SCFD2: variants seen among roughly 807,000 people sequenced by gnomAD.
SCFD2 encodes sec1 family domain-containing protein 2.
In SCFD2, 54 loss-of-function variants were observed where a neutral mutation model predicts 58.9. The ratio of observed to expected loss-of-function variants is 0.92; its 90% confidence interval spans 0.74 to 1.15. The LOEUF (loss-of-function observed/expected upper bound fraction) is 1.15. SCFD2 is among the 50% of genes most tolerant of loss of function. The probability of loss-of-function intolerance (pLI) is 0.00; values close to 1 mark genes in which losing one functional copy is unlikely to be tolerated. For synonymous variants in SCFD2, 321 were observed against 335.9 expected, an observed-to-expected ratio of 0.96 and a Z score of 0.49; for missense variants, 805 against 836.6, an observed-to-expected ratio of 0.96 and a Z score of 0.47.
At chr4:53,069,247 T>G (rs1723747414) in intron 5 of SCFD2, among the ~76,000 whole-genome samples, 1 of 152,106 alleles carries the variant, frequency 6.6e-6, no homozygotes. Flanking sequence ...AGCAGTCATC[T>G]GCTAATCTCA....
intron 5 of SCFD2, among the ~76,000 whole-genome samples, chr4:53,077,489 G>A (rs1401647192): frequency 6.6e-6 from 1 of 151,990 alleles, no homozygotes; most frequent in South Asian, 2.1e-4. Context: ...CCAAGCTGGA[G>A]TGCAGTGGCA....
chr4:53,256,021 A>T (rs540505056), intron 4 of SCFD2, among the ~76,000 whole-genome samples: 1 of 118,928 alleles, frequency 8.4e-6, no homozygotes, highest in East Asian at 2.7e-4. Flanking sequence ...CGGGGGTCTG[A>T]CCCCCCACCT....
chr4:53,011,714 T>C (rs1377847363), intron 5 of SCFD2, among the ~76,000 whole-genome samples: 1 of 152,086 alleles, frequency 6.6e-6, no homozygotes, highest in African/African-American at 2.4e-5. Flanking sequence ...ATCCAGGAGG[T>C]CAAAGCTGGA....
intron 5 of SCFD2, among the ~76,000 whole-genome samples, chr4:52,969,183 A>T (rs1366871207): frequency 6.6e-6 from 1 of 152,012 alleles, no homozygotes; most frequent in Non-Finnish European, 1.5e-5. Flanking sequence ...CTTGGCTATA[A>T]ATTCCCACTT....
chr4:53,127,436 C>G (rs1403456965), intron 5 of SCFD2, among the ~76,000 whole-genome samples: 1 of 152,168 alleles, frequency 6.6e-6, no homozygotes, highest in East Asian at 1.9e-4. Flanking sequence ...CCCAGCACAA[C>G]TGGTGCTTGA....
intron 5 of SCFD2, among the ~76,000 whole-genome samples, chr4:52,921,652 G>A (rs142267263): frequency 1.3e-3 from 199 of 152,292 alleles, no homozygotes; most frequent in African/African-American, 4.5e-3. Context: ...TGCAGGTTAA[G>A]TAACACCCCT....
intron 5 of SCFD2, among the ~76,000 whole-genome samples, chr4:53,112,409 C>T (rs1725198043): frequency 6.6e-6 from 1 of 152,050 alleles, no homozygotes; most frequent in Admixed American, 6.6e-5. Context: ...TCAATATAAA[C>T]TCAACTGGGA....
intron 5 of SCFD2, among the ~76,000 whole-genome samples, chr4:52,966,006 G>C (rs1393576525): frequency 6.6e-6 from 1 of 152,144 alleles, no homozygotes; most frequent in Non-Finnish European, 1.5e-5. Flanking sequence ...GATTGATAAA[G>C]ACTTTCTTGG....
chr4:53,009,608 G>C (rs1414443030), intron 5 of SCFD2, among the ~76,000 whole-genome samples: 1 of 152,116 alleles, frequency 6.6e-6, no homozygotes, highest in Non-Finnish European at 1.5e-5. Context: ...CTTTCCCTTC[G>C]TTCTCGTAAT....
intron 5 of SCFD2, among the ~76,000 whole-genome samples, chr4:53,060,506 G>A (rs1199221017): frequency 2.0e-5 from 3 of 152,068 alleles, no homozygotes; most frequent in African/African-American, 7.2e-5. Flanking sequence ...CTGTCCACGA[G>A]GTTAATGCTA....
At chr4:52,891,306 TTA>T (rs1718872285) in intron 7 of SCFD2, among the ~76,000 whole-genome samples, 1 of 152,146 alleles carries the variant, frequency 6.6e-6, no homozygotes, top group Admixed American at 6.5e-5. Flanking sequence ...GTCACAGAGC[TTA>T]TGTTTTAGTG....
At chr4:52,995,590 G>C (rs554388225) in intron 5 of SCFD2, among the ~76,000 whole-genome samples, 1 of 152,324 alleles carries the variant, frequency 6.6e-6, no homozygotes, top group African/African-American at 2.4e-5. Flanking sequence ...AAAGATTATG[G>C]ATAATCCAAA....
chr4:52,993,298 T>C (rs1044483060), intron 5 of SCFD2, among the ~76,000 whole-genome samples: 1 of 152,044 alleles, frequency 6.6e-6, no homozygotes, highest in Non-Finnish European at 1.5e-5. Flanking sequence ...CCAGAGACCC[T>C]TGTTCACTTG....
In SCFD2 at chr4:52,995,190, A is replaced by ATTC. The variant is rs566814101; in HGVS notation, c.1562-74321_1562-74320insGAA. Among the ~76,000 whole-genome samples, 96 of 152,314 alleles carry ATTC rather than the reference A, an allele frequency of 6.3e-4. 2 individuals are homozygous for ATTC. In the South Asian group the frequency reaches 0.019, roughly 30 times the overall value. On this transcript the variant is annotated intron_variant, in intron 5 of 8. Transcript: ENST00000401642. The stretch of plus-strand genomic sequence containing the variant: ...CCTGAGCTTCTTTTACTGCAACTAG[A>ATTC]TGGTCCCATCTGGGAGTGATGGGAG...
At chr4:53,080,958 G>GA (rs1225222072) in intron 5 of SCFD2, among the ~76,000 whole-genome samples, 3 of 151,860 alleles carry the variant, frequency 2.0e-5, no homozygotes, top group Non-Finnish European at 2.9e-5. Flanking sequence ...GTTAAAATTG[G>GA]AAAAAAATTG....
At chr4:53,116,304 C>T (rs1024516519) in intron 5 of SCFD2, among the ~76,000 whole-genome samples, 4 of 152,154 alleles carry the variant, frequency 2.6e-5, no homozygotes, top group Non-Finnish European at 5.9e-5. Flanking sequence ...AAGCTCTGCT[C>T]GTTGATATCA....
At chr4:53,254,655 G>A (rs564836108) in intron 4 of SCFD2, among the ~76,000 whole-genome samples, 78 of 151,196 alleles carry the variant, frequency 5.2e-4, no homozygotes, top group Admixed American at 1.1e-3. Flanking sequence ...TGTCATTTTA[G>A]ACCAGTGCTG....
At chr4:53,257,087 C>T (rs1051794665) in intron 4 of SCFD2, among the ~76,000 whole-genome samples, 40 of 147,322 alleles carry the variant, frequency 2.7e-4, no homozygotes, top group African/African-American at 1.3e-4. Context: ...CCTACACATG[C>T]GCCCCTGAAC....
chr4:52,968,079 A>G (rs1721003052), intron 5 of SCFD2, among the ~76,000 whole-genome samples: 1 of 152,186 alleles, frequency 6.6e-6, no homozygotes. Flanking sequence ...TTTGGCCTGT[A>G]TTAATAGAGG....
Sources: gnomAD v4.1 joint callset for allele counts (sites outside exome capture counted in the v4.1 genomes callset) on GRCh38, gnomAD v4.1.1 for gene constraint, MANE v1.5 for transcripts, NCBI Gene and HGNC (gene_info 2026-07-23, HGNC 2026-07-21) for gene names.